The following ZNF780A variants were observed in gnomAD, a reference collection of about 807,000 sequenced individuals.
The protein encoded by ZNF780A is zinc finger protein 780A.
In ZNF780A, 40 loss-of-function variants were observed where a neutral mutation model predicts 56.7. The observed-to-expected ratio is 0.71, with a 90% confidence interval of 0.55 to 0.92. ZNF780A has a LOEUF of 0.92. ZNF780A is among the 40% of genes least tolerant of loss of function. The pLI is 0.00. For synonymous variants in ZNF780A, 231 were observed against 248.3 expected (o/e 0.93, Z 0.66); for missense variants, 672 against 783.3 (o/e 0.86, Z 1.70).
At chr19:40,083,688 A>T (rs12979704) in intron 3 of ZNF780A, among the ~76,000 whole-genome samples, 1 of 150,728 alleles carries the variant, frequency 6.6e-6, no homozygotes. Context: ...AAAAAAAAAA[A>T]GGTGGCATAC....
chr19:40,079,988 T>C (rs371410923), intron 5 of ZNF780A, among the ~76,000 whole-genome samples: 2 of 151,728 alleles, frequency 1.3e-5, no homozygotes, highest in African/African-American at 4.8e-5. Flanking sequence ...TTAAAAAACA[T>C]AAATAAAATT....
chr19:40,080,591 A>G (rs760795699), intron 5 of ZNF780A, among the ~76,000 whole-genome samples: 7 of 152,196 alleles, frequency 4.6e-5, no homozygotes, highest in Non-Finnish European at 1.0e-4. Flanking sequence ...ACCAAATACT[A>G]CATATTCTCA....
In ZNF780A at chr19:40,074,381, T is replaced by C; in HGVS notation, c.*135A>G. ...TTTCTCACTGGAATGAATTTTCTGATGCTGAATAACGTTTGAACCACAAAT... is the reference window on the plus strand; with the variant it reads ...TTTCTCACTGGAATGAATTTTCTGACGCTGAATAACGTTTGAACCACAAAT... On this transcript the variant is annotated 3_prime_UTR_variant, in exon 6 of 6. Transcript: ENST00000683561. 1 of 1,537,380 alleles carries C rather than the reference T, an allele frequency of 6.5e-7. No homozygotes were observed. Among genetic ancestry groups the C allele is most frequent in the Non-Finnish European group, 8.7e-7 (1 of 1,146,904 alleles).
At position 40,075,072 on chromosome 19, in the gene ZNF780A, T is replaced by C. The variant is rs1158993070; in HGVS notation, c.1370A>G (p.His457Arg). 1 of 1,614,060 alleles carries C rather than the reference T, an allele frequency of 6.2e-7. No homozygotes were observed. The highest frequency in any genetic ancestry group is 1.1e-5 in the South Asian group (1 of 91,082). The change falls in exon 6 of 6, where the codon CAT becomes CGT. Residue 457 changes from histidine to arginine, a missense_variant. Physicochemically the swap from His to Arg is conservative, Grantham distance 29 (BLOSUM62 0). Coordinates refer to ENST00000683561, the MANE Select transcript of ZNF780A (RefSeq NM_001142578.2). ...TCGAGAATGTTCAATAAGTTGGCAA[T>C]GATATCTAAAGGCCATCTCACATTC... ...CRECEMAFRY[H>R]CQLIEHSRIH...
In ZNF780A at chr19:40,074,955, G is replaced by T; in HGVS notation, c.1487C>A (p.Thr496Asn). The T allele has an allele frequency of 1.2e-6, 2 of 1,614,164 alleles. No individual in the cohort carries two copies. The highest frequency in any genetic ancestry group is 2.2e-5 in the East Asian group (1 of 44,884). ...CTTACATTCATAGGGCTTCTCACCAGTGTGAATACTCTGATGTTGAACAAG... is the reference window on the plus strand; with the variant it reads ...CTTACATTCATAGGGCTTCTCACCATTGTGAATACTCTGATGTTGAACAAG... ...SSLVQHQSIH[T>N]GEKPYECKEC... Residue 496 changes from threonine to asparagine, a missense_variant, in exon 6 of 6, where the codon ACT becomes AAT. Coordinates refer to ENST00000683561, the MANE Select transcript of ZNF780A (RefSeq NM_001142578.2).
At chr19:40,088,919 CAT>C (rs1974969012) in intron 2 of ZNF780A, among the ~76,000 whole-genome samples, 2 of 152,264 alleles carry the variant, frequency 1.3e-5, no homozygotes, top group African/African-American at 4.8e-5. Flanking sequence ...CACAGAAAGA[CAT>C]ATGATCTCAC....
chr19:40,079,414 A>C (rs576357662), intron 5 of ZNF780A, among the ~76,000 whole-genome samples: 2 of 152,152 alleles, frequency 1.3e-5, no homozygotes, highest in Non-Finnish European at 2.9e-5. Flanking sequence ...TCAACACCCC[A>C]CTCTGAATTA....
chr19:40,076,007 A>G lies in ZNF780A; in HGVS notation c.435T>C (p.Tyr145=). The change falls in exon 6 of 6, where the codon TAT becomes TAC. Residue 145 remains tyrosine, a synonymous_variant. Coordinates refer to ENST00000683561, the MANE Select transcript of ZNF780A (RefSeq NM_001142578.2). ...EGNINQKMIS[Y]EKLPTHTPHA... ...GAGGAGTATGAGTAGGCAGTTTTTC[A>G]TAGCTGATCATCTTTTGATTGATAT... 3 of 1,613,452 alleles carry G rather than the reference A, an allele frequency of 1.9e-6. No homozygotes were observed. Among genetic ancestry groups the G allele is most frequent in the Non-Finnish European group, 2.5e-6 (3 of 1,179,782 alleles).
chr19:40,079,537 C>T (rs186627954), intron 5 of ZNF780A, among the ~76,000 whole-genome samples: 1 of 152,244 alleles, frequency 6.6e-6, no homozygotes, highest in Non-Finnish European at 1.5e-5. Flanking sequence ...CTACAAAATA[C>T]ACATTTTCTC....
chr19:40,077,326 C>A (rs757401052), intron 5 of ZNF780A, among the ~76,000 whole-genome samples: 15 of 152,284 alleles, frequency 9.9e-5, no homozygotes, highest in Non-Finnish European at 1.9e-4. Context: ...ATCTTCTCAG[C>A]TTCTGGGGAG....
At chr19:40,086,627 C>T (rs1483084337) in intron 2 of ZNF780A, among the ~76,000 whole-genome samples, 1 of 150,810 alleles carries the variant, frequency 6.6e-6, no homozygotes, top group Non-Finnish European at 1.5e-5. Flanking sequence ...TTATAGAATG[C>T]CTTCAGATAG....
At chr19:40,072,937 T>A, downstream of ZNF780A, 1 of 1,550,398 alleles carries the variant, frequency 6.4e-7, no homozygotes, top group Non-Finnish European at 8.7e-7. Context: ...CTCCTTTGAA[T>A]ATGAATAGCT....
At chr19:40,085,954 GTA>G (rs543905295) in intron 2 of ZNF780A, among the ~76,000 whole-genome samples, 22 of 150,118 alleles carry the variant, frequency 1.5e-4, no homozygotes, top group South Asian at 6.3e-4. Flanking sequence ...ACACGTGTGT[GTA>G]TATATATATG....
intron 2 of ZNF780A, among the ~76,000 whole-genome samples, chr19:40,085,584 C>T (rs1440394443): frequency 6.6e-6 from 1 of 151,898 alleles, no homozygotes. Context: ...CTTCTTTTTG[C>T]TTAAGAGCAT....
intron 5 of ZNF780A, among the ~76,000 whole-genome samples, chr19:40,078,089 ACC>A (rs1974254799): frequency 6.6e-6 from 1 of 151,874 alleles, no homozygotes; most frequent in Non-Finnish European, 1.5e-5. Flanking sequence ...GAAGAAACTT[ACC>A]AATTTCATTA....
chr19:40,087,145 G>C (rs1974850334), intron 2 of ZNF780A, among the ~76,000 whole-genome samples: 1 of 151,974 alleles, frequency 6.6e-6, no homozygotes, highest in Admixed American at 6.6e-5. Context: ...AGTATGATTA[G>C]CTTAATGATT....
rs1973953318 is a variant in ZNF780A, at chr19:40,074,417, C to G, written c.*99G>C. The stretch of plus-strand genomic sequence containing the variant: ...GTTTGAACCACAAATGAAGCCTTTC[C>G]CACACCCCTTACATTCACATGGTTT... On this transcript the variant is annotated 3_prime_UTR_variant, in exon 6 of 6. Transcript: ENST00000683561. 5 of 1,560,544 alleles carry G rather than the reference C, an allele frequency of 3.2e-6. No individual in the cohort carries two copies. The Admixed American group carries it at 9.7e-5, about 30-fold the overall frequency.
chr19:40,080,038 G>T (rs1449812644), intron 5 of ZNF780A, among the ~76,000 whole-genome samples: 1 of 149,530 alleles, frequency 6.7e-6, no homozygotes, highest in African/African-American at 2.5e-5. Context: ...GAAAAGAGAA[G>T]AAATAAGCAA....
chr19:40,072,670 A>AT, downstream of ZNF780A: 3 of 946,288 alleles, frequency 3.2e-6, no homozygotes, highest in Non-Finnish European at 4.1e-6. Context: ...AAAAAAAAAA[A>AT]GAAGAATGAG....
Sources: gnomAD v4.1 joint callset for allele counts (sites outside exome capture counted in the v4.1 genomes callset) on GRCh38, gnomAD v4.1.1 for gene constraint, MANE v1.5 for transcripts, NCBI Gene and HGNC (gene_info 2026-07-23, HGNC 2026-07-21) for gene names.